Variants in PPFIBP2 observed in about 807,000 individuals in gnomAD.
The protein encoded by PPFIBP2 is liprin-beta-2.
In PPFIBP2, 118 loss-of-function variants were observed where a neutral mutation model predicts 118.3. The ratio of observed to expected loss-of-function variants is 1.00; its 90% CI spans 0.86 to 1.16. PPFIBP2 has a LOEUF of 1.16. PPFIBP2 is among the 50% of genes most tolerant of loss of function. The probability of loss-of-function intolerance (pLI) is 0.00; values close to 1 mark genes in which losing one functional copy is unlikely to be tolerated. For missense variants in PPFIBP2, 1,195 were observed against 1,073.1 expected (o/e 1.11, Z -1.59); for synonymous variants, 414 against 397.4 (o/e 1.04, Z -0.50).
At chr11:7,546,813 A>G (rs571740023) in intron 1 of PPFIBP2, among the ~76,000 whole-genome samples, 5 of 152,288 alleles carry the variant, frequency 3.3e-5, no homozygotes, top group East Asian at 3.9e-4. Flanking sequence ...GAAAGCTTCT[A>G]TCATCCTTCA....
chr11:7,543,119 C>T (rs761145235), intron 1 of PPFIBP2, among the ~76,000 whole-genome samples: 2 of 152,192 alleles, frequency 1.3e-5, no homozygotes, highest in African/African-American at 4.8e-5. Context: ...CATCAAATTC[C>T]TTCATATCTG....
At position 7,597,441 on chromosome 11, in the gene PPFIBP2, A is replaced by C; in HGVS notation, c.373-119A>C. 2.0e-6 allele frequency: 3 copies of C among 1,538,204 alleles called. No individual in the cohort carries two copies. The South Asian group carries it at 3.6e-5, about 18-fold the overall frequency. On this transcript the variant is annotated intron_variant, in intron 4 of 23. Transcript: ENST00000299492. ...CCACCTGCCACTCAGCAAAAATCAA[A>C]ATCGTTCACTGTGTGTAAGAGTCAG...
chr11:7,534,451 G>T (rs964565127), intron 1 of PPFIBP2, among the ~76,000 whole-genome samples: 1 of 152,194 alleles, frequency 6.6e-6, no homozygotes, highest in Non-Finnish European at 1.5e-5. Flanking sequence ...TTATGATCTG[G>T]TTGAGGCAAT....
At chr11:7,542,345 A>T (rs1156875883) in intron 1 of PPFIBP2, among the ~76,000 whole-genome samples, 1 of 152,276 alleles carries the variant, frequency 6.6e-6, no homozygotes, top group East Asian at 1.9e-4. Flanking sequence ...GCATTAATTT[A>T]ATCTTGGCAC....
intron 6 of PPFIBP2, among the ~76,000 whole-genome samples, chr11:7,617,686 T>G (rs1367495200): frequency 1.3e-5 from 2 of 152,144 alleles, no homozygotes; most frequent in Non-Finnish European, 1.5e-5. Flanking sequence ...CACATGATTT[T>G]TTTTTTAAGG....
intron 3 of PPFIBP2, among the ~76,000 whole-genome samples, chr11:7,569,216 CTCT>C (rs1327269433): frequency 6.6e-6 from 1 of 152,222 alleles, no homozygotes; most frequent in East Asian, 1.9e-4. Context: ...GGGCTGGTTC[CTCT>C]TCTTCTGGGT....
chr11:7,611,209 T>G (rs1425796672), intron 6 of PPFIBP2, among the ~76,000 whole-genome samples: 1 of 152,256 alleles, frequency 6.6e-6, no homozygotes, highest in East Asian at 1.9e-4. Context: ...GCTGGCTACT[T>G]AATCTTTCTG....
At chr11:7,626,477 A>G (rs183406924) in intron 8 of PPFIBP2, among the ~76,000 whole-genome samples, 4 of 152,316 alleles carry the variant, frequency 2.6e-5, no homozygotes, top group Admixed American at 2.6e-4. Flanking sequence ...CACTTATTAT[A>G]ACTTACCAGT....
intron 15 of PPFIBP2, among the ~76,000 whole-genome samples, chr11:7,640,333 A>C (rs1227928473): frequency 1.3e-5 from 2 of 152,132 alleles, no homozygotes. Flanking sequence ...CATGCACTCC[A>C]AGTGGGAGCA....
At chr11:7,562,854 C>T (rs1222235014) in intron 2 of PPFIBP2, among the ~76,000 whole-genome samples, 1 of 147,420 alleles carries the variant, frequency 6.8e-6, no homozygotes, top group Non-Finnish European at 1.5e-5. Context: ...CTTCCCTCAT[C>T]TAGTATTTAT....
intron 1 of PPFIBP2, among the ~76,000 whole-genome samples, chr11:7,535,231 G>T (rs1165411185): frequency 6.6e-6 from 1 of 152,208 alleles, no homozygotes; most frequent in African/African-American, 2.4e-5. Context: ...ATTTCAACAG[G>T]CAGGGGTGGG....
intron 5 of PPFIBP2, 145 bp from the exon 6 acceptor site, chr11:7,610,146 A>T: frequency 9.4e-7 from 1 of 1,065,550 alleles, no homozygotes; most frequent in Non-Finnish European, 1.4e-6. Flanking sequence ...CCCATCCATA[A>T]TAGGCCTGTG....
intron 4 of PPFIBP2, chr11:7,597,268 G>C: frequency 6.5e-7 from 1 of 1,535,370 alleles, no homozygotes; most frequent in Non-Finnish European, 8.7e-7. Flanking sequence ...CAGGAGTCCA[G>C]CCCAGAGGCA....
chr11:7,598,412 T>C (rs11604700), intron 5 of PPFIBP2: 20,120 of 154,866 alleles, frequency 0.13, 1,715 homozygotes, highest in East Asian at 0.33. Flanking sequence ...TACTGTATTA[T>C]AAATAATGAG....
In PPFIBP2 at chr11:7,565,773, T is replaced by G; in HGVS notation, c.279+6T>G. On this transcript the variant is annotated splice_donor_region_variant and intron_variant, in intron 3 of 23. Coordinates refer to ENST00000299492, the MANE Select transcript of PPFIBP2 (RefSeq NM_003621.5). ...AATGGTTTGAAGAGAGCTTGGTGAG[T>G]AGTCCCGTGGCCTGATTGGGAACCA... 1 of 1,613,724 alleles carries G rather than the reference T, an allele frequency of 6.2e-7. No individual in the cohort carries two copies. Among genetic ancestry groups the G allele is most frequent in the Non-Finnish European group, 8.5e-7 (1 of 1,179,696 alleles).
chr11:7,560,255 G>A (rs937719877), intron 2 of PPFIBP2, among the ~76,000 whole-genome samples: 1 of 152,098 alleles, frequency 6.6e-6, no homozygotes, highest in African/African-American at 2.4e-5. Flanking sequence ...CATCCTGTGG[G>A]GACTTTGAAA....
At chr11:7,572,639 G>T (rs770895895) in intron 3 of PPFIBP2, among the ~76,000 whole-genome samples, 10 of 152,216 alleles carry the variant, frequency 6.6e-5, no homozygotes, top group Non-Finnish European at 1.2e-4. Flanking sequence ...ACCTACAAAA[G>T]AAAATCCTGC....
intron 5 of PPFIBP2, among the ~76,000 whole-genome samples, chr11:7,606,555 G>A (rs3892335): frequency 0.43 from 64,952 of 152,050 alleles, 15,842 homozygotes; most frequent in African/African-American, 0.67. Context: ...TAAATGTTCT[G>A]TTATTAGTGA....
chr11:7,535,141 A>G (rs938452565), intron 1 of PPFIBP2, among the ~76,000 whole-genome samples: 1 of 152,230 alleles, frequency 6.6e-6, no homozygotes, highest in Non-Finnish European at 1.5e-5. Context: ...GGAAGTTAGT[A>G]TCCTCCCATT....
Sources: allele counts gnomAD v4.1 joint callset (sites outside exome capture counted in the v4.1 genomes callset), GRCh38; gene constraint gnomAD v4.1.1; transcripts MANE v1.5; gene names NCBI Gene and HGNC (gene_info 2026-07-23, HGNC 2026-07-21).